The following MCM10 variants were observed in gnomAD, a reference collection of about 807,000 sequenced individuals.
MCM10 encodes the protein protein MCM10 homolog.
Under a neutral mutation model 109.9 loss-of-function variants are expected in MCM10, and 91 were observed. The observed-to-expected ratio is 0.83, with a 90% CI of 0.70 to 0.99. The LOEUF (loss-of-function observed/expected upper bound fraction) is 0.99, where lower values mean the gene tolerates loss of function less well. MCM10 is among the 50% of genes least tolerant of loss of function. The pLI, the probability that MCM10 is intolerant of heterozygous loss-of-function variation, is 0.00. For synonymous variants in MCM10, 380 were observed against 387.2 expected (o/e 0.98, Z 0.22); for missense variants, 1,077 against 1,061.2 (o/e 1.01, Z -0.21).
rs1427780607 is a variant in MCM10 at position 13,172,558 on chromosome 10, T to A, written c.455-70T>A. 6.2e-7 allele frequency: 1 copy of A among 1,600,354 alleles called. No individual in the cohort carries two copies. The highest frequency in any genetic ancestry group is 2.2e-5 in the East Asian group (1 of 44,826). On this transcript the variant is annotated intron_variant, in intron 4 of 19. Coordinates refer to ENST00000378714, the MANE Select transcript of MCM10 (RefSeq NM_018518.5). The surrounding 1 kb of genome is among the most constrained non-coding windows in gnomAD (Gnocchi z 5.2). The stretch of plus-strand genomic sequence containing the variant: ...TCACATCATTTCTGCATCCAACTCC[T>A]GTCCAAACAGCCCTTTGAACCTCTT...
At chr10:13,201,638 T>C in intron 17 of MCM10, 104 bp downstream of exon 17, 1 of 823,936 alleles carries the variant, frequency 1.2e-6, no homozygotes, top group Non-Finnish European at 2.0e-6. Context: ...TATCTCGTGA[T>C]GTGTCAGTTA....
chr10:13,183,736 G>A (rs1250333360), intron 8 of MCM10, among the ~76,000 whole-genome samples: 1 of 151,932 alleles, frequency 6.6e-6, no homozygotes, highest in African/African-American at 2.4e-5. Context: ...CCGGGCTGGA[G>A]TACAGTCATG....
chr10:13,169,475 A>AAAATTGG (rs1197551561), intron 2 of MCM10, among the ~76,000 whole-genome samples: 13 of 152,326 alleles, frequency 8.5e-5, no homozygotes, highest in Admixed American at 4.6e-4. Context: ...AGCATCTAGC[A>AAAATTGG]AAATTGGAAA....
chr10:13,204,103 G>A, intron 17 of MCM10, 116 bp from the exon 18 acceptor site: 1 of 1,284,140 alleles, frequency 7.8e-7, no homozygotes, highest in Non-Finnish European at 1.1e-6. Context: ...CCTAGCAAGG[G>A]CCCAGGTAGT....
intron 2 of MCM10, among the ~76,000 whole-genome samples, chr10:13,165,815 C>A (rs1434742470): frequency 6.9e-6 from 1 of 143,906 alleles, no homozygotes; most frequent in African/African-American, 2.6e-5. Flanking sequence ...GCAGAGGTTG[C>A]ATTGCATCGA....
intron 2 of MCM10, among the ~76,000 whole-genome samples, chr10:13,166,661 CAT>C (rs60500036): frequency 0.049 from 4,413 of 89,566 alleles, 130 homozygotes; most frequent in Non-Finnish European, 0.066. Flanking sequence ...TACATACATA[CAT>C]ATATATATAT....
Position 13,185,293 on chromosome 10 carries a change from C to G in MCM10, c.1099-871C>G, listed in dbSNP as rs529023480. On this transcript the variant is annotated intron_variant, in intron 8 of 19. Transcript: ENST00000378714. Reference sequence around the variant, plus strand: ...GCTCAAGTGTTGTAAGAGATCTTGTCCTAGGAGGGGTGAGGACAAAGCCCG... The same window carrying G: ...GCTCAAGTGTTGTAAGAGATCTTGTGCTAGGAGGGGTGAGGACAAAGCCCG... Among the ~76,000 whole-genome samples, 8 of 152,274 alleles carry G rather than the reference C, an allele frequency of 5.3e-5. No homozygotes were observed. The South Asian group carries it at 1.0e-3, about 20-fold the overall frequency.
intron 8 of MCM10, among the ~76,000 whole-genome samples, chr10:13,184,459 A>G (rs950701915): frequency 5.3e-5 from 8 of 152,148 alleles, no homozygotes; most frequent in African/African-American, 1.7e-4. Context: ...TTCTCTAGGA[A>G]ATTGCAAATC....
At chr10:13,164,487 AT>A (rs1833969265) in intron 2 of MCM10, among the ~76,000 whole-genome samples, 1 of 152,224 alleles carries the variant, frequency 6.6e-6, no homozygotes, top group Non-Finnish European at 1.5e-5. Context: ...CCTTGTGGAA[AT>A]TAACTGATTC....
chr10:13,191,260 T>C (rs374052681), intron 10 of MCM10, 39 bp from the exon 11 acceptor site: 2 of 1,380,384 alleles, frequency 1.4e-6, no homozygotes, highest in Non-Finnish European at 2.1e-6. Flanking sequence ...GCATTGAGGC[T>C]TTAGTGATTC....
Position 13,182,812 on chromosome 10 carries a change from C to CA in MCM10, c.931-114dup, listed in dbSNP as rs753212017. The stretch of plus-strand genomic sequence containing the variant: ...CTGATGATACATATTTGAATAACAA[C>CA]AAAAAAACTTGGATTTTATGGATTA... On this transcript the variant is annotated intron_variant, in intron 7 of 19. Coordinates refer to ENST00000378714, the MANE Select transcript of MCM10 (RefSeq NM_018518.5). This position sits in a 1 kb window ranked among gnomAD's most constrained non-coding sequence, Gnocchi z 4.2. 6.9e-5 allele frequency: 49 copies of CA among 708,100 alleles called. No individual in the cohort carries two copies. Among genetic ancestry groups the CA allele is most frequent in the Non-Finnish European group, 5.0e-5 (22 of 441,138 alleles). 43.9% of individuals were successfully genotyped at this position (708,100 alleles called of 1,614,324 possible).
At chr10:13,176,585 T>C (rs1228464008) in intron 6 of MCM10, among the ~76,000 whole-genome samples, 1 of 152,222 alleles carries the variant, frequency 6.6e-6, no homozygotes, top group Non-Finnish European at 1.5e-5. Context: ...AGAACAAGTG[T>C]TGCCAACATA....
intron 7 of MCM10, among the ~76,000 whole-genome samples, chr10:13,180,827 T>A (rs987322498): frequency 6.6e-6 from 1 of 152,200 alleles, no homozygotes; most frequent in Non-Finnish European, 1.5e-5. Flanking sequence ...GGGCTTTCCA[T>A]TGTCCAAATC....
chr10:13,196,704 G>T (rs111672032), intron 14 of MCM10, among the ~76,000 whole-genome samples: 4 of 151,956 alleles, frequency 2.6e-5, no homozygotes, highest in African/African-American at 9.7e-5. Flanking sequence ...GAAGAGACAG[G>T]GTTTCACCAT....
chr10:13,170,838 C>A, intron 2 of MCM10, 84 bp from the exon 3 acceptor site: 1 of 1,224,140 alleles, frequency 8.2e-7, no homozygotes, highest in Non-Finnish European at 1.2e-6. Flanking sequence ...TCTCTTACCC[C>A]CATGGGGTCA....
At chr10:13,162,426 C>T (rs377280695) in intron 1 of MCM10, among the ~76,000 whole-genome samples, 10 of 152,254 alleles carry the variant, frequency 6.6e-5, no homozygotes, top group African/African-American at 2.4e-4. Context: ...GGGAAGATTA[C>T]CGTGGCTGTC....
At position 13,209,136 on chromosome 10, in the gene MCM10, A is replaced by C; in HGVS notation, c.2541+3A>C. The C allele has an allele frequency of 6.2e-7, 1 of 1,611,904 alleles. No individual in the cohort carries two copies. The highest frequency in any genetic ancestry group is 8.5e-7 in the Non-Finnish European group (1 of 1,177,910). ...GGGAACGGGACGGAATGCTAAAGGT[A>C]TGCCATTTGCGTACTAATTTTTGAC... On this transcript the variant is annotated splice_donor_region_variant and intron_variant, in intron 19 of 19. Coordinates refer to ENST00000378714, the MANE Select transcript of MCM10 (RefSeq NM_018518.5).
chr10:13,166,649 A>ATACAT (rs1554773845), intron 2 of MCM10, among the ~76,000 whole-genome samples: 3 of 41,510 alleles, frequency 7.2e-5, no homozygotes, highest in African/African-American at 2.3e-4. Context: ...AAAAAAAAAA[A>ATACAT]ATACATACAT....
At chr10:13,190,642 C>G (rs1834335308) in intron 10 of MCM10, among the ~76,000 whole-genome samples, 1 of 152,030 alleles carries the variant, frequency 6.6e-6, no homozygotes, top group Non-Finnish European at 1.5e-5. Flanking sequence ...GTCAGGATTG[C>G]TCCACTGTAC....
Sources: gnomAD v4.1 joint callset for allele counts (sites outside exome capture counted in the v4.1 genomes callset) on GRCh38, gnomAD v4.1.1 for gene constraint, Gnocchi (gnomAD v3.1) non-coding constraint, MANE v1.5 for transcripts, NCBI Gene and HGNC (gene_info 2026-07-23, HGNC 2026-07-21) for gene names.